MDN1: variants seen among roughly 807,000 people sequenced by gnomAD.
The protein encoded by MDN1 is midasin AAA ATPase 1, also known as midasin.
MDN1 carries 266 observed loss-of-function variants against 669.2 expected under a neutral mutation model. The observed-to-expected ratio is 0.40, with a 90% CI of 0.36 to 0.44. The LOEUF is 0.44. MDN1 is among the 20% of genes least tolerant of loss of function. The pLI is 1.00. For synonymous variants in MDN1, 2,385 were observed against 2,457.1 expected (o/e 0.97, Z 0.87); for missense variants, 5,940 against 6,754.0 (o/e 0.88, Z 4.22).
chr6:89,736,644 A>G (rs956461193), intron 33 of MDN1, among the ~76,000 whole-genome samples: 8 of 151,654 alleles, frequency 5.3e-5, no homozygotes, highest in Admixed American at 3.3e-4. Context: ...AAACACAAAA[A>G]TTAGCCTGGC....
At chr6:89,750,928 T>TTA (rs1554192104) in intron 23 of MDN1, among the ~76,000 whole-genome samples, 2 of 151,574 alleles carry the variant, frequency 1.3e-5, no homozygotes, top group Non-Finnish European at 2.9e-5. Context: ...TTTTTTTTTT[T>TTA]AAAAGAATGA....
At chr6:89,769,417 C>T (rs1025476239) in intron 15 of MDN1, among the ~76,000 whole-genome samples, 15 of 152,118 alleles carry the variant, frequency 9.9e-5, no homozygotes, top group Non-Finnish European at 1.5e-4. Context: ...AGAAAAGGCT[C>T]GGTGGCTCAT....
chr6:89,706,071 G>A lies in MDN1; in HGVS notation c.8136C>T (p.Ala2712=). 6 of 1,604,456 alleles carry A rather than the reference G, an allele frequency of 3.7e-6. No individual in the cohort carries two copies. The highest frequency in any genetic ancestry group is 5.1e-6 in the Non-Finnish European group (6 of 1,174,460). ...VQSSQGMVSD[A]SANEILGSLR... The stretch of plus-strand genomic sequence containing the variant: ...TGCAGTTCCTTACCTCATTGGCACT[G>A]GCATCAGACACCATTCCCTGGGAGG... The change falls in exon 53 of 102, where the codon GCC becomes GCT. Residue 2712 remains alanine (A), a synonymous_variant. Transcript: ENST00000369393.
rs983986485 is a variant in MDN1 at position 89,655,869 on chromosome 6, G to A, written c.15385C>T (p.His5129Tyr). 1.9e-6 allele frequency: 3 copies of A among 1,613,996 alleles called. No homozygotes were observed. Among genetic ancestry groups the A allele is most frequent in the Non-Finnish European group, 2.5e-6 (3 of 1,180,032 alleles). The change falls in exon 92 of 102, where the codon CAT (histidine) becomes TAT (tyrosine). Residue 5129 changes from histidine (H) to tyrosine (Y), a missense_variant. Transcript: ENST00000369393. ...KRLRTVDTDS[H>Y]AEQGPAQQPQ... ...TGCTGAGCTGGCCCCTGCTCGGCAT[G>A]GCTGTCCGTATCCACAGTCCTCAGC... is the stretch of plus-strand genomic sequence containing the variant.
intron 73 of MDN1, 35 bp from the exon 74 acceptor site, chr6:89,680,786 A>G (rs1179164082): frequency 2.5e-6 from 4 of 1,602,244 alleles, no homozygotes; most frequent in Non-Finnish European, 3.4e-6. Flanking sequence ...CTCACTGCCA[A>G]GAATGACAGG....
chr6:89,708,743 G>A, intron 50 of MDN1, 115 bp from the exon 51 acceptor site: 1 of 1,161,046 alleles, frequency 8.6e-7, no homozygotes, highest in Non-Finnish European at 1.2e-6. Context: ...ATCATGATGG[G>A]GAAGAGGTTG....
chr6:89,790,802 C>G (rs1644461468), intron 5 of MDN1, among the ~76,000 whole-genome samples: 1 of 152,190 alleles, frequency 6.6e-6, no homozygotes, highest in Non-Finnish European at 1.5e-5. Flanking sequence ...AGGTGGATCA[C>G]CTGAAGTCAG....
intron 20 of MDN1, among the ~76,000 whole-genome samples, chr6:89,755,822 G>A (rs1310308848): frequency 1.3e-5 from 2 of 152,154 alleles, no homozygotes; most frequent in Non-Finnish European, 2.9e-5. Flanking sequence ...CACAAGCCAC[G>A]TAACTACTCT....
intron 73 of MDN1, among the ~76,000 whole-genome samples, chr6:89,681,920 G>A (rs1288777874): frequency 2.0e-5 from 3 of 152,124 alleles, no homozygotes; most frequent in Non-Finnish European, 4.4e-5. Flanking sequence ...CCAAGGTGCT[G>A]GGATTACAGC....
At chr6:89,728,237 A>G (rs1815359891) in intron 36 of MDN1, among the ~76,000 whole-genome samples, 1 of 152,296 alleles carries the variant, frequency 6.6e-6, no homozygotes, top group Admixed American at 6.5e-5. Context: ...ACAGGCTTAA[A>G]AAAAAAAGAA....
chr6:89,751,697 A>C (rs931368293), intron 22 of MDN1, 115 bp from the exon 23 acceptor site: 7 of 1,056,300 alleles, frequency 6.6e-6, no homozygotes, highest in Non-Finnish European at 9.5e-6. Flanking sequence ...GCATACTTTC[A>C]ACATTAAAAC....
In MDN1 at chr6:89,790,379, C is replaced by A; in HGVS notation, c.878G>T (p.Arg293Leu). ...GELGGNRSSS[R>L]EQELALRSYV... ...AGACCTAAGGGCCAGCTCCTGTTCACGTGAAGAACTCCTATTACCACCCTA... is the reference window on the plus strand; with the variant it reads ...AGACCTAAGGGCCAGCTCCTGTTCAAGTGAAGAACTCCTATTACCACCCTA... Residue 293 changes from arginine (R) to leucine (L), a missense_variant, in exon 6 of 102, where the codon CGT becomes CTT. By Grantham distance (102) the Arg-to-Leu change is moderately radical. This residue lies in a region of MDN1 where 1,203 missense variants were observed against 1,268.9 expected (regional missense o/e 0.95). Coordinates refer to ENST00000369393, the MANE Select transcript of MDN1 (RefSeq NM_014611.3). 6.2e-7 allele frequency: 1 copy of A among 1,613,834 alleles called. No homozygotes were observed. The highest frequency in any genetic ancestry group is 1.1e-5 in the South Asian group (1 of 90,962).
intron 2 of MDN1, among the ~76,000 whole-genome samples, chr6:89,795,261 T>C (rs1490850911): frequency 6.6e-6 from 1 of 152,142 alleles, no homozygotes; most frequent in Non-Finnish European, 1.5e-5. Flanking sequence ...CAAAACCAAA[T>C]AGATACTCTT....
chr6:89,644,976 C>CG, intron 101 of MDN1, 39 bp downstream of exon 101: 2 of 1,563,378 alleles, frequency 1.3e-6, no homozygotes, highest in Non-Finnish European at 1.8e-6. Flanking sequence ...GGAATCCCCA[C>CG]TTTACCTCCA....
intron 6 of MDN1, 29 bp downstream of exon 6, chr6:89,790,130 G>A: frequency 6.2e-7 from 1 of 1,613,104 alleles, no homozygotes; most frequent in Non-Finnish European, 8.5e-7. Context: ...AGCATGACAA[G>A]CCACCAAAAC....
At chr6:89,765,130 C>T (rs1817747351) in intron 15 of MDN1, among the ~76,000 whole-genome samples, 1 of 151,874 alleles carries the variant, frequency 6.6e-6, no homozygotes, top group African/African-American at 2.4e-5. Context: ...TAGTGGCGGG[C>T]GCCTATAGTC....
At position 89,712,603 on chromosome 6, in the gene MDN1, T is replaced by C. The variant is rs1380599799; in HGVS notation, c.7402A>G (p.Met2468Val). The C allele has an allele frequency of 1.9e-6, 3 of 1,614,166 alleles. No homozygotes were observed. In the East Asian group the frequency reaches 6.7e-5, roughly 36 times the overall value. The part of the protein sequence containing the change: ...GQILVYCLNR[M>V]SMKTSSWTRS... ...GTCCAGCTGCTGGTTTTCATGCTCA[T>C]CCTGTTGAGACAATATACTAAGATC... Residue 2468 changes from methionine to valine, a missense_variant, in exon 48 of 102, where the codon ATG becomes GTG. By Grantham distance (21) the Met-to-Val change is conservative. Coordinates refer to ENST00000369393, the MANE Select transcript of MDN1 (RefSeq NM_014611.3).
In MDN1 at chr6:89,653,119, T is replaced by C. The variant is rs141236948; in HGVS notation, c.15698A>G (p.Lys5233Arg). ...DEMEVEIQTV[K>R]TEEDQDPRTD... ...TCTGGGGTCTTGGTCTTCCTCTGTT[T>C]TAACAGTTTGGATCTCCACTTCCAT... The change falls in exon 94 of 102, where the codon AAA becomes AGA. Residue 5233 changes from lysine to arginine, a missense_variant. Physicochemically the swap from Lys to Arg is conservative, Grantham distance 26. Coordinates refer to ENST00000369393, the MANE Select transcript of MDN1 (RefSeq NM_014611.3). The C allele has an allele frequency of 6.1e-5, 98 of 1,613,852 alleles. 1 individual carries two copies. The African/African-American group carries it at 1.3e-3, about 21-fold the overall frequency.
intron 15 of MDN1, 148 bp downstream of exon 15, chr6:89,771,413 A>G: frequency 1.5e-6 from 1 of 664,024 alleles, no homozygotes; most frequent in Non-Finnish European, 2.5e-6. Context: ...TACCCTGCCA[A>G]AAGCTCCAAT....
Sources: gnomAD v4.1 joint callset for allele counts (sites outside exome capture counted in the v4.1 genomes callset) on GRCh38, gnomAD v4.1.1 for gene constraint, gnomAD v4.1.1 regional missense constraint, MANE v1.5 for transcripts, NCBI Gene and HGNC (gene_info 2026-07-23, HGNC 2026-07-21) for gene names.